NCAM1: variants seen among roughly 807,000 people sequenced by gnomAD.
NCAM1 encodes the protein neural cell adhesion molecule 1.
A neutral mutation model predicts 109.8 loss-of-function variants in NCAM1; 14 were observed. The ratio of observed to expected loss-of-function variants is 0.13; its 90% CI spans 0.08 to 0.20. The LOEUF is 0.20. Among genes scored for constraint, NCAM1 ranks in the 10% least tolerant of loss-of-function variants. The pLI is 1.00. For synonymous variants in NCAM1, 418 were observed against 442.9 expected (o/e 0.94, Z 0.70); for missense variants, 774 against 1,109.9 (o/e 0.70, Z 4.30).
intron 14 of NCAM1, chr11:113,236,360 C>G (rs782143216): frequency 6.3e-7 from 1 of 1,596,846 alleles, no homozygotes; most frequent in East Asian, 2.2e-5. Context: ...ATAGCGTTAA[C>G]ATCTGCTAGT....
chr11:113,202,464 A>G lies in NCAM1; in HGVS notation c.127+11A>G, dbSNP rs914410154. On this transcript the variant is annotated intron_variant, in intron 2 of 19. Transcript: ENST00000316851. The stretch of plus-strand genomic sequence containing the variant: ...TCTTCTTATGCCAAGGCAAGTGCCT[A>G]GTGCTCAGCTGCATTTTAGAACTTG... 1.2e-6 allele frequency: 2 copies of G among 1,601,304 alleles called. No homozygotes were observed.
intron 1 of NCAM1, among the ~76,000 whole-genome samples, chr11:112,978,345 G>A (rs538100788): frequency 5.9e-5 from 9 of 151,802 alleles, no homozygotes; most frequent in South Asian, 2.1e-4. Flanking sequence ...TACGTGATTC[G>A]GTTAATGCCT....
intron 1 of NCAM1, among the ~76,000 whole-genome samples, chr11:113,069,250 G>T (rs1938145003): frequency 6.6e-6 from 1 of 152,154 alleles, no homozygotes; most frequent in African/African-American, 2.4e-5. Context: ...AAGTCTCCAA[G>T]GTAGAGTAGG....
intron 1 of NCAM1, among the ~76,000 whole-genome samples, chr11:113,047,450 C>T (rs1555081032): frequency 6.6e-6 from 1 of 152,188 alleles, no homozygotes; most frequent in African/African-American, 2.4e-5. Flanking sequence ...AAAGCCTCTA[C>T]TTCCCAGGCC....
chr11:113,075,305 A>T (rs1487874631), intron 1 of NCAM1, among the ~76,000 whole-genome samples: 1 of 152,132 alleles, frequency 6.6e-6, no homozygotes, highest in Non-Finnish European at 1.5e-5. Flanking sequence ...CCTGGGCTCA[A>T]GAGATCCTCC....
At chr11:113,184,870 G>A (rs1003338452) in intron 1 of NCAM1, among the ~76,000 whole-genome samples, 4 of 151,878 alleles carry the variant, frequency 2.6e-5, no homozygotes, top group Non-Finnish European at 4.4e-5. Flanking sequence ...CAGTCGTAAC[G>A]TCCTGTCTTT....
chr11:113,055,835 G>A (rs1953677044), intron 1 of NCAM1, among the ~76,000 whole-genome samples: 1 of 151,340 alleles, frequency 6.6e-6, no homozygotes, highest in Admixed American at 6.6e-5. Context: ...CAATCCCACT[G>A]CTGGCTATAT....
chr11:113,103,032 GC>G (rs2135880820), intron 1 of NCAM1, among the ~76,000 whole-genome samples: 1 of 152,302 alleles, frequency 6.6e-6, no homozygotes, highest in African/African-American at 2.4e-5. Flanking sequence ...GCAGAGCATT[GC>G]ATTCTCTGGT....
intron 1 of NCAM1, among the ~76,000 whole-genome samples, chr11:113,189,663 G>A (rs1431313345): frequency 6.6e-6 from 1 of 151,964 alleles, no homozygotes; most frequent in Non-Finnish European, 1.5e-5. Flanking sequence ...GTGCCTTGGG[G>A]GTGAGGGGCT....
intron 1 of NCAM1, among the ~76,000 whole-genome samples, chr11:113,115,760 T>G (rs11824242): frequency 0.019 from 2,894 of 152,320 alleles, 87 homozygotes; most frequent in African/African-American, 0.066. Context: ...AGAAACAGTT[T>G]TTGTTGAAAA....
At chr11:113,050,713 T>C (rs1339732002) in intron 1 of NCAM1, among the ~76,000 whole-genome samples, 1 of 152,198 alleles carries the variant, frequency 6.6e-6, no homozygotes, top group Non-Finnish European at 1.5e-5. Context: ...CAGATGCTGT[T>C]TTGCCTCCTA....
intron 1 of NCAM1, among the ~76,000 whole-genome samples, chr11:113,016,041 A>G (rs1246451946): frequency 2.0e-5 from 3 of 152,128 alleles, no homozygotes; most frequent in Non-Finnish European, 4.4e-5. Flanking sequence ...ATATTTGACT[A>G]AGTTGATTGG....
At chr11:113,226,004 T>C (rs979813748) in intron 9 of NCAM1, among the ~76,000 whole-genome samples, 2 of 152,068 alleles carry the variant, frequency 1.3e-5, no homozygotes, top group East Asian at 3.9e-4. Context: ...ACCATCAAGG[T>C]TAGGAAGAAA....
At chr11:113,078,620 C>T (rs1385889052) in intron 1 of NCAM1, among the ~76,000 whole-genome samples, 2 of 152,084 alleles carry the variant, frequency 1.3e-5, no homozygotes, top group African/African-American at 4.8e-5. Flanking sequence ...TCATATTTCC[C>T]TCTGTCTTAT....
At chr11:113,066,922 T>C (rs1478013666) in intron 1 of NCAM1, among the ~76,000 whole-genome samples, 1 of 144,168 alleles carries the variant, frequency 6.9e-6, no homozygotes, top group Non-Finnish European at 1.5e-5. Context: ...GAGAATGGTG[T>C]GAACCCAGGA....
At chr11:113,070,060 G>T (rs1355557593) in intron 1 of NCAM1, among the ~76,000 whole-genome samples, 3 of 152,142 alleles carry the variant, frequency 2.0e-5, no homozygotes, top group Non-Finnish European at 4.4e-5. Flanking sequence ...TGAAGAGAGG[G>T]GAAGTCATGG....
intron 8 of NCAM1, among the ~76,000 whole-genome samples, chr11:113,214,794 C>T (rs1555114156): frequency 6.6e-6 from 1 of 152,070 alleles, no homozygotes; most frequent in African/African-American, 2.4e-5. Flanking sequence ...ATTGTCAATC[C>T]CAGAGTTATG....
chr11:113,203,589 G>A (rs553822516), intron 2 of NCAM1, among the ~76,000 whole-genome samples: 5 of 152,184 alleles, frequency 3.3e-5, no homozygotes, highest in African/African-American at 7.2e-5. Context: ...GCTCAGTGCC[G>A]GGGGCAGCTC....
intron 1 of NCAM1, among the ~76,000 whole-genome samples, chr11:113,009,712 T>A (rs1555074036): frequency 1.3e-5 from 2 of 152,086 alleles, no homozygotes; most frequent in South Asian, 4.1e-4. Context: ...TCTCCACATT[T>A]TGAGTTTGAA....
Sources: gnomAD v4.1 joint callset for allele counts (sites outside exome capture counted in the v4.1 genomes callset) on GRCh38, gnomAD v4.1.1 for gene constraint, MANE v1.5 for transcripts, NCBI Gene and HGNC (gene_info 2026-07-23, HGNC 2026-07-21) for gene names.